The following CYP2J2 variants were observed in gnomAD, a reference collection of about 807,000 sequenced individuals.
CYP2J2 encodes the protein cytochrome P450 2J2.
CYP2J2 carries 41 observed loss-of-function variants against 48.8 expected under a neutral mutation model. The observed-to-expected ratio is 0.84, with a 90% CI of 0.66 to 1.09. The LOEUF (loss-of-function observed/expected upper bound fraction) is 1.09, where lower values mean the gene tolerates loss of function less well. CYP2J2 is among the 50% of genes least tolerant of loss of function. CYP2J2 has a pLI of 0.00. For synonymous variants in CYP2J2, 221 were observed against 227.1 expected (o/e 0.97, Z 0.24); for missense variants, 644 against 617.3 (o/e 1.04, Z -0.46).
At chr1:59,965,017 T>C in the CYP2J2 span, among the ~76,000 whole-genome samples, 13 of 152,214 alleles carry the variant, frequency 8.5e-5, no homozygotes, top group African/African-American at 2.4e-4. Flanking sequence ...ACTGAGGATA[T>C]ATCCTGAGAT....
intron 1 of CYP2J2, among the ~76,000 whole-genome samples, chr1:59,919,616 C>T (rs1047275706): frequency 6.6e-6 from 1 of 152,132 alleles, no homozygotes; most frequent in Non-Finnish European, 1.5e-5. Flanking sequence ...GGAAATAAAG[C>T]TTTAAAACAG....
the CYP2J2 span, among the ~76,000 whole-genome samples, chr1:59,937,162 A>G: frequency 2.7e-4 from 41 of 152,214 alleles, no homozygotes; most frequent in Admixed American, 2.0e-3. Flanking sequence ...TCCATTTCCT[A>G]TGATGGAGTC....
the CYP2J2 span, among the ~76,000 whole-genome samples, chr1:59,938,580 G>A: frequency 1.3e-5 from 2 of 152,276 alleles, no homozygotes; most frequent in Admixed American, 6.5e-5. Context: ...ACCATAGGGC[G>A]GTTTTTCTCC....
chr1:59,954,671 T>C, the CYP2J2 span, among the ~76,000 whole-genome samples: 1 of 152,040 alleles, frequency 6.6e-6, no homozygotes, highest in South Asian at 2.1e-4. Flanking sequence ...TTTTGAAATA[T>C]TTTAAATATA....
At chr1:59,956,435 T>C in the CYP2J2 span, among the ~76,000 whole-genome samples, 1 of 152,102 alleles carries the variant, frequency 6.6e-6, no homozygotes, top group East Asian at 1.9e-4. Flanking sequence ...CTTATGAATA[T>C]GAGTACAGTA....
At chr1:59,935,828 C>G in the CYP2J2 span, among the ~76,000 whole-genome samples, 1 of 152,186 alleles carries the variant, frequency 6.6e-6, no homozygotes, top group Non-Finnish European at 1.5e-5. Context: ...GGCTGAAGTG[C>G]AATGGCACGA....
chr1:59,900,398 C>T (rs1304426987), intron 8 of CYP2J2, among the ~76,000 whole-genome samples: 6 of 152,132 alleles, frequency 3.9e-5, no homozygotes, highest in Admixed American at 6.6e-5. Context: ...TTTGGGAGGC[C>T]GAGGCGGGTG....
the CYP2J2 span, among the ~76,000 whole-genome samples, chr1:59,958,937 C>A: frequency 2.5e-4 from 38 of 152,242 alleles, no homozygotes; most frequent in South Asian, 8.3e-4. Context: ...ACTTTATGCT[C>A]CTGCAATTCA....
chr1:59,934,707 T>C, the CYP2J2 span, among the ~76,000 whole-genome samples: 190 of 151,938 alleles, frequency 1.3e-3, no homozygotes, highest in Middle Eastern at 0.014. Context: ...CAAAAGATAA[T>C]ATGGGTTGGC....
At chr1:59,946,682 GA>G in the CYP2J2 span, among the ~76,000 whole-genome samples, 5 of 152,132 alleles carry the variant, frequency 3.3e-5, no homozygotes, top group African/African-American at 1.2e-4. Flanking sequence ...AAAGCAATCT[GA>G]AAGAGACATT....
the CYP2J2 span, among the ~76,000 whole-genome samples, chr1:59,936,850 C>T: frequency 6.6e-6 from 1 of 152,172 alleles, no homozygotes; most frequent in Non-Finnish European, 1.5e-5. Flanking sequence ...AAGCAGATTA[C>T]ATACTAACTT....
intron 4 of CYP2J2, among the ~76,000 whole-genome samples, chr1:59,910,328 C>A (rs751996833): frequency 1.3e-5 from 2 of 152,052 alleles, no homozygotes; most frequent in Non-Finnish European, 2.9e-5. Flanking sequence ...GAAATATATG[C>A]TGAAATATTT....
At chr1:59,943,677 GTTT>G in the CYP2J2 span, among the ~76,000 whole-genome samples, 1 of 147,250 alleles carries the variant, frequency 6.8e-6, no homozygotes, top group African/African-American at 2.5e-5. Context: ...ATCTGAAGCA[GTTT>G]TTTTTTTTTC....
At chr1:59,965,361 T>A in the CYP2J2 span, among the ~76,000 whole-genome samples, 1 of 152,212 alleles carries the variant, frequency 6.6e-6, no homozygotes, top group East Asian at 1.9e-4. Context: ...AGAGAGTGAA[T>A]GTAGATAAAG....
At chr1:59,912,375 T>C in intron 2 of CYP2J2, 64 bp from the exon 3 acceptor site, 2 of 1,516,376 alleles carry the variant, frequency 1.3e-6, no homozygotes, top group South Asian at 1.2e-5. Context: ...CAGCAAATGA[T>C]ATGGGAATGT....
At chr1:59,968,478 CGAGAA>C in the CYP2J2 span, among the ~76,000 whole-genome samples, 5 of 152,066 alleles carry the variant, frequency 3.3e-5, no homozygotes, top group African/African-American at 1.2e-4. Flanking sequence ...GGAGTCCCAC[CGAGAA>C]GAGATGAGGC....
the CYP2J2 span, among the ~76,000 whole-genome samples, chr1:59,935,021 T>TATATATATATATATATATACAC: frequency 2.1e-5 from 1 of 48,146 alleles, no homozygotes; most frequent in Non-Finnish European, 4.4e-5. Context: ...TATACATATA[T>TATATATATATATATATATACAC]ATATATATAT....
chr1:59,945,725 A>G, the CYP2J2 span, among the ~76,000 whole-genome samples: 1 of 152,292 alleles, frequency 6.6e-6, no homozygotes, highest in South Asian at 2.1e-4. Flanking sequence ...CCTGTTGGCA[A>G]CTTGAATAGG....
chr1:59,938,917 C>G, the CYP2J2 span, among the ~76,000 whole-genome samples: 1 of 152,230 alleles, frequency 6.6e-6, no homozygotes, highest in African/African-American at 2.4e-5. Flanking sequence ...TTTTACCAAG[C>G]ATACTGCTTG....
Sources: gnomAD v4.1 joint callset for allele counts (sites outside exome capture counted in the v4.1 genomes callset) on GRCh38, gnomAD v4.1.1 for gene constraint, MANE v1.5 for transcripts, NCBI Gene and HGNC (gene_info 2026-07-23, HGNC 2026-07-21) for gene names.